The following PROM1 variants were observed in gnomAD, a reference collection of about 807,000 sequenced individuals.
PROM1 encodes prominin 1.
In PROM1, 105 loss-of-function variants were observed where a neutral mutation model predicts 116.9. That is an observed-to-expected ratio of 0.90 (90% CI 0.77 to 1.06). The LOEUF (loss-of-function observed/expected upper bound fraction) is 1.06, where lower values mean the gene tolerates loss of function less well. PROM1 is among the 50% of genes least tolerant of loss of function. PROM1 has a pLI of 0.00. For missense variants in PROM1, 1,122 were observed against 1,045.2 expected (o/e 1.07, Z -1.01); for synonymous variants, 393 against 387.0 (o/e 1.02, Z -0.18).
At chr4:15,978,426 T>C (rs550457697) in intron 26 of PROM1, among the ~76,000 whole-genome samples, 9 of 152,196 alleles carry the variant, frequency 5.9e-5, no homozygotes, top group Non-Finnish European at 1.0e-4. Context: ...CAACTGTTAC[T>C]AGGTAATATT....
At chr4:15,980,962 T>TTTATTTATTTATTTAC (rs1399982681) in intron 23 of PROM1, among the ~76,000 whole-genome samples, 9 of 150,696 alleles carry the variant, frequency 6.0e-5, no homozygotes, top group Non-Finnish European at 8.9e-5. Flanking sequence ...TATTTATTTA[T>TTTATTTATTTATTTAC]TTATTTATTT....
At chr4:16,078,017 A>T (rs1242257471) in intron 1 of PROM1, 1 of 152,230 alleles carries the variant, frequency 6.6e-6, no homozygotes, top group African/African-American at 2.4e-5. Flanking sequence ...AGTAATCCTG[A>T]TGGAAATCTT....
chr4:16,081,844 A>T (rs956762441), intron 1 of PROM1, among the ~76,000 whole-genome samples: 2 of 152,166 alleles, frequency 1.3e-5, no homozygotes, highest in African/African-American at 4.8e-5. Context: ...GAAGTTTAGA[A>T]ATCAGAAAGA....
chr4:16,039,990 C>T, intron 2 of PROM1, among the ~76,000 whole-genome samples: 1 of 152,012 alleles, frequency 6.6e-6, no homozygotes, highest in Non-Finnish European at 1.5e-5. Flanking sequence ...CAGACCAAGG[C>T]TCAGGACTTC....
At chr4:16,013,734 G>A (rs1263703371) in intron 10 of PROM1, among the ~76,000 whole-genome samples, 1 of 152,116 alleles carries the variant, frequency 6.6e-6, no homozygotes, top group Non-Finnish European at 1.5e-5. Context: ...GTGGGGTGCT[G>A]CTGGGATTGT....
chr4:15,974,697 C>A (rs1715644906), intron 26 of PROM1, among the ~76,000 whole-genome samples: 1 of 152,146 alleles, frequency 6.6e-6, no homozygotes, highest in South Asian at 2.1e-4. Flanking sequence ...TTTTGAACTC[C>A]TGGGCTCAAG....
At chr4:15,995,293 T>C (rs1030508714) in intron 15 of PROM1, among the ~76,000 whole-genome samples, 1 of 147,140 alleles carries the variant, frequency 6.8e-6, no homozygotes, top group Admixed American at 6.9e-5. Flanking sequence ...AGGAGACCAG[T>C]TGGAAGGAGA....
rs139325525 is a variant in PROM1, at chr4:15,993,464, G to A, written c.1767+523C>T. Among the ~76,000 whole-genome samples, 149 of 152,288 alleles carry A rather than the reference G, an allele frequency of 9.8e-4. 1 individual carries two copies. The highest frequency in any genetic ancestry group is 3.5e-3 in the African/African-American group (144 of 41,542). ...CTTAAGACTCAAGACTGGGGTGTGG[G>A]CTCTGGCAAAAGAAAAGAGGAGGTT... On this transcript the variant is annotated intron_variant, in intron 16 of 27. Coordinates refer to ENST00000447510, the MANE Select transcript of PROM1 (RefSeq NM_006017.3).
rs748466005 is a variant in PROM1 at position 15,994,036 on chromosome 4, A to T, written c.1718T>A (p.Leu573His). The change falls in exon 16 of 28, where the codon CTT becomes CAT. Residue 573 changes from leucine to histidine, a missense_variant. Leu to His is a moderately conservative substitution (Grantham distance 99, BLOSUM62 -3). Coordinates refer to ENST00000447510, the MANE Select transcript of PROM1 (RefSeq NM_006017.3). Reference protein sequence around the residue: ...CKKNRGTYGTLHLQNSFNISE... With the variant: ...CKKNRGTYGTHHLQNSFNISE... ...GATATTGAAGCTGTTCTGCAGGTGA[A>T]GAGTGCCGTAAGTGCCTCTATTTTT... 2 of 1,614,014 alleles carry T rather than the reference A, an allele frequency of 1.2e-6. No individual in the cohort carries two copies. Among genetic ancestry groups the T allele is most frequent in the South Asian group, 2.2e-5 (2 of 91,080 alleles).
intron 17 of PROM1, among the ~76,000 whole-genome samples, chr4:15,991,735 C>G (rs962751839): frequency 6.6e-6 from 1 of 151,440 alleles, no homozygotes; most frequent in Admixed American, 6.6e-5. Context: ...GGGATCGAGA[C>G]TATCCTGGCA....
intron 2 of PROM1, among the ~76,000 whole-genome samples, chr4:16,056,179 G>A (rs368645037): frequency 3.9e-5 from 6 of 152,254 alleles, no homozygotes; most frequent in Non-Finnish European, 5.9e-5. Context: ...TGGCACAGTC[G>A]CAATTGTTTC....
chr4:15,992,822 C>A (rs2108875), intron 16 of PROM1, among the ~76,000 whole-genome samples: 98,575 of 151,956 alleles, frequency 0.65, 32,206 homozygotes, highest in Non-Finnish European at 0.69. Flanking sequence ...AGGGAAGGGA[C>A]CAGTACACAC....
intron 20 of PROM1, 133 bp from the exon 21 acceptor site, chr4:15,986,170 C>A: frequency 1.6e-6 from 1 of 628,892 alleles, no homozygotes; most frequent in Non-Finnish European, 2.7e-6. Context: ...AAGAGGAAGA[C>A]AGAACCCACC....
chr4:16,034,489 C>G (rs13107837), intron 4 of PROM1, among the ~76,000 whole-genome samples: 48,238 of 152,042 alleles, frequency 0.32, 9,198 homozygotes, highest in African/African-American at 0.54. Flanking sequence ...CTTGGCAGTC[C>G]GTGTCTCAGA....
At chr4:16,055,204 G>A in intron 2 of PROM1, 1 of 305,882 alleles carries the variant, frequency 3.3e-6, no homozygotes, top group Non-Finnish European at 6.6e-6. Flanking sequence ...ATTTTCCTTG[G>A]AGAAACAAAA....
At position 15,979,250 on chromosome 4, in the gene PROM1, A is replaced by G. The variant is rs148807166; in HGVS notation, c.2582+145T>C. 5.1e-4 allele frequency: 654 copies of G among 1,285,816 alleles called. 4 individuals are homozygous for G. The African/African-American group carries it at 8.3e-3, about 16-fold the overall frequency. The allele number at this position is 1,285,816 out of a possible 1,614,324, so 79.7% of individuals were successfully genotyped here. A position where few individuals can be genotyped will look rare whatever the true frequency, so the allele number is the denominator to read the frequency against. On this transcript the variant is annotated intron_variant, in intron 26 of 27. Coordinates refer to ENST00000447510, the MANE Select transcript of PROM1 (RefSeq NM_006017.3). ...CTCATGGCATCATGGAACACTATGT[A>G]GAGCATGATTGGAGACTAGCATTGA...
chr4:16,033,653 G>A (rs1399926197), intron 4 of PROM1, 144 bp from the exon 5 acceptor site: 4 of 658,238 alleles, frequency 6.1e-6, no homozygotes, highest in African/African-American at 5.7e-5. Flanking sequence ...GCAGTGGCGC[G>A]ATTTCGGCTC....
intron 23 of PROM1, among the ~76,000 whole-genome samples, chr4:15,981,683 TAGAA>T (rs1442841998): frequency 6.6e-6 from 1 of 152,198 alleles, no homozygotes; most frequent in Non-Finnish European, 1.5e-5. Context: ...GTCAAGAAGT[TAGAA>T]ACAATGTTCA....
chr4:16,040,598 G>A (rs1185547455), intron 2 of PROM1, among the ~76,000 whole-genome samples: 1 of 152,198 alleles, frequency 6.6e-6, no homozygotes, highest in African/African-American at 2.4e-5. Context: ...GAGTTAGAAG[G>A]GAATCCAAGC....
Sources: gnomAD v4.1 joint callset for allele counts (sites outside exome capture counted in the v4.1 genomes callset) on GRCh38, gnomAD v4.1.1 for gene constraint, MANE v1.5 for transcripts, NCBI Gene and HGNC (gene_info 2026-07-23, HGNC 2026-07-21) for gene names.